The following CCDC33 variants were observed in gnomAD, a reference collection of about 807,000 sequenced individuals.
CCDC33 encodes the protein coiled-coil domain containing 33.
CCDC33 carries 94 observed loss-of-function variants against 91.9 expected under a neutral mutation model. That is an observed-to-expected ratio of 1.02 (90% CI 0.87 to 1.21). The LOEUF is 1.21. Ranked by LOEUF, CCDC33 falls within the 50% of genes most tolerant of loss-of-function variation. CCDC33 has a pLI of 0.00. For synonymous variants in CCDC33, 396 were observed against 374.5 expected, an observed-to-expected ratio of 1.06 and a Z score of -0.66; for missense variants, 940 against 935.5, an observed-to-expected ratio of 1.00 and a Z score of -0.06.
chr15:74,298,678 T>TACAG (rs1286490305), intron 11 of CCDC33, among the ~76,000 whole-genome samples: 1 of 151,218 alleles, frequency 6.6e-6, no homozygotes. Flanking sequence ...TAGCTGGGAT[T>TACAG]ACAGGCATTC....
Position 74,236,724 on chromosome 15 carries a change from G to T in CCDC33, c.5G>T (p.Gly2Val). The change falls in exon 1 of 19, where the codon GGA (glycine) becomes GTA (valine). Residue 2 changes from glycine to valine, a missense_variant. Gly to Val is a moderately radical substitution (Grantham distance 109). Transcript: ENST00000398814. ...GACACTCCTGGCCTCAAGAGGATGG[G>T]ACTGAAAAACAAAAAGGTAAGGCCA... M[G>V]LKNKKNTEDP... is the part of the protein sequence containing the mutation. 1.9e-6 allele frequency: 3 copies of T among 1,613,930 alleles called. No individual in the cohort carries two copies. Among genetic ancestry groups the T allele is most frequent in the South Asian group, 1.1e-5 (1 of 90,996 alleles).
intron 11 of CCDC33, among the ~76,000 whole-genome samples, chr15:74,310,761 T>TC (rs916586744): frequency 2.4e-4 from 36 of 152,150 alleles, no homozygotes; most frequent in Non-Finnish European, 4.3e-4. Context: ...TAGAGAAGGT[T>TC]CCCATGGGGG....
intron 2 of CCDC33, among the ~76,000 whole-genome samples, chr15:74,247,814 T>C (rs1011628094): frequency 2.5e-4 from 38 of 152,174 alleles, no homozygotes; most frequent in Admixed American, 4.6e-4. Context: ...CGGTGGCTCA[T>C]GCCTGTAATC....
chr15:74,318,015 AG>A (rs564537687), intron 11 of CCDC33, among the ~76,000 whole-genome samples: 260 of 149,252 alleles, frequency 1.7e-3, no homozygotes, highest in South Asian at 2.4e-3. Context: ...GGAAGTCCCC[AG>A]GGACCAGGCG....
rs1400235428 is a variant in CCDC33 at position 74,307,344 on chromosome 15, T to C, written c.1290+11396T>C. Among the ~76,000 whole-genome samples the C allele has an allele frequency of 2.6e-5, 4 of 152,222 alleles. No individual in the cohort carries two copies. In the South Asian group the frequency reaches 6.2e-4, roughly 24 times the overall value. ...ATCAAGATTCACTGAGCTCGTACTC[T>C]GTACCCAGAACTTCGGTCACAATCT... On this transcript the variant is annotated intron_variant, in intron 11 of 18. Coordinates refer to ENST00000398814, the MANE Select transcript of CCDC33 (RefSeq NM_025055.5).
chr15:74,311,924 C>A (rs554413416), intron 11 of CCDC33: 2 of 152,338 alleles, frequency 1.3e-5, no homozygotes, highest in South Asian at 2.1e-4. Flanking sequence ...GCCGCCAGCT[C>A]CTGGCCACCA....
chr15:74,221,644 G>T (rs564195070), intron 2 of CCDC33: 1 of 152,190 alleles, frequency 6.6e-6, no homozygotes, highest in African/African-American at 2.4e-5. Flanking sequence ...AATATTTCCA[G>T]CATGCACAAT....
chr15:74,227,552 G>A (rs1277111781), intron 2 of CCDC33, among the ~76,000 whole-genome samples: 3 of 152,206 alleles, frequency 2.0e-5, no homozygotes, highest in African/African-American at 7.2e-5. Flanking sequence ...CAAGGCTGGG[G>A]ATGGAGTTGG....
intron 2 of CCDC33, among the ~76,000 whole-genome samples, chr15:74,211,318 C>T (rs559779628): frequency 1.3e-5 from 2 of 152,000 alleles, no homozygotes; most frequent in East Asian, 3.9e-4. Flanking sequence ...TGGGACACAC[C>T]TCTCAATACT....
intron 9 of CCDC33, 97 bp downstream of exon 9, chr15:74,280,898 G>A: frequency 8.2e-7 from 1 of 1,223,160 alleles, no homozygotes; most frequent in Non-Finnish European, 1.1e-6. Flanking sequence ...AGGAGAATTT[G>A]GCTTCTCCAG....
At chr15:74,221,707 TGCTGGGA>T (rs1225477708) in intron 2 of CCDC33, 1 of 152,216 alleles carries the variant, frequency 6.6e-6, no homozygotes, top group Non-Finnish European at 1.5e-5. Context: ...AGGATGGGGA[TGCTGGGA>T]GCATGCAGGC....
chr15:74,218,683 ACCTGGCTC>A lies in CCDC33; in HGVS notation c.498_505del (p.Leu167AlafsTer4). ...GAGGACCTGTACCGCTACTGTGGCA[ACCTGGCTC>A]TGCTCCGGGCTAGCACGGACCCCAC... On this transcript the variant is annotated frameshift_variant, in exon 2 of 3. Coordinates refer to the CCDC33 transcript ENST00000635913. LOFTEE classifies it high-confidence loss of function. This position sits in a 1 kb window ranked among gnomAD's most constrained non-coding sequence, Gnocchi z 4.8. 7.8e-7 allele frequency: 1 copy of A among 1,289,794 alleles called. No homozygotes were observed. Among genetic ancestry groups the A allele is most frequent in the Non-Finnish European group, 1.0e-6 (1 of 988,864 alleles). The allele number at this position is 1,289,794 out of a possible 1,614,324, so 79.9% of individuals were successfully genotyped here.
chr15:74,259,919 C>G (rs1468464841), intron 2 of CCDC33, among the ~76,000 whole-genome samples: 2 of 152,252 alleles, frequency 1.3e-5, no homozygotes, highest in Non-Finnish European at 2.9e-5. Flanking sequence ...GTGTCCAGCT[C>G]TGGGGTTGAC....
chr15:74,267,634 A>G (rs1255779751), intron 4 of CCDC33, among the ~76,000 whole-genome samples: 1 of 152,104 alleles, frequency 6.6e-6, no homozygotes. Context: ...AGACCCTGAA[A>G]GTGGTTGAGA....
At chr15:74,322,127 G>T (rs552459400) in intron 11 of CCDC33, among the ~76,000 whole-genome samples, 1 of 152,230 alleles carries the variant, frequency 6.6e-6, no homozygotes, top group South Asian at 2.1e-4. Flanking sequence ...TCATTGGAGG[G>T]GTCTGGAGGC....
rs780567550 is a variant in CCDC33, at chr15:74,332,705, C to A, written c.1798C>A (p.Leu600Ile). ...TGFPMLSASG[L>I]PLGSMGENLP... is the part of the protein sequence containing the mutation. ...CTTCCCTATGCTCTCAGCCTCTGGC[C>A]TTCCCTTGGGTTCTATGGGAGAGAA... Residue 600 changes from leucine (L) to isoleucine (I), a missense_variant, in exon 16 of 19, where the codon CTT becomes ATT. Transcript: ENST00000398814. 16 of 1,614,078 alleles carry A rather than the reference C, an allele frequency of 9.9e-6. No individual in the cohort carries two copies. Among genetic ancestry groups the A allele is most frequent in the Non-Finnish European group, 1.4e-5 (16 of 1,180,034 alleles).
At chr15:74,336,211 C>T, downstream of CCDC33, 1 of 1,433,098 alleles carries the variant, frequency 7.0e-7, no homozygotes, top group Non-Finnish European at 9.1e-7. Flanking sequence ...TCACTCTGGG[C>T]CTGGGCCTGG....
At chr15:74,229,415 C>T (rs1333656650) in intron 2 of CCDC33, among the ~76,000 whole-genome samples, 1 of 152,162 alleles carries the variant, frequency 6.6e-6, no homozygotes, top group Admixed American at 6.5e-5. Context: ...ATCGCTTGAA[C>T]TTGGGAAGCG....
intron 1 of CCDC33, chr15:74,209,115 G>C: frequency 7.6e-7 from 1 of 1,309,192 alleles, no homozygotes. Flanking sequence ...CCTTGATTCC[G>C]GGATCAGAGG....
Sources: gnomAD v4.1 joint callset for allele counts (sites outside exome capture counted in the v4.1 genomes callset) on GRCh38, gnomAD v4.1.1 for gene constraint, Gnocchi (gnomAD v3.1) non-coding constraint, MANE v1.5 for transcripts, NCBI Gene and HGNC (gene_info 2026-07-23, HGNC 2026-07-21) for gene names.